CDC34: variants seen among roughly 807,000 people sequenced by gnomAD.
CDC34 encodes the protein ubiquitin-conjugating enzyme E2 R1.
CDC34 carries 18 observed loss-of-function variants against 26.8 expected under a neutral mutation model. That is an observed-to-expected ratio of 0.67 (90% confidence interval 0.47 to 1.00). CDC34 has a LOEUF of 1.00. CDC34 is among the 50% of genes least tolerant of loss of function. CDC34 has a pLI of 0.00. For missense variants in CDC34, 280 were observed against 334.5 expected (o/e 0.84, Z 1.27); for synonymous variants, 178 against 147.5 (o/e 1.21, Z -1.50).
chr19:537,707 G>C (rs1979826193), intron 4 of CDC34, among the ~76,000 whole-genome samples: 1 of 131,964 alleles, frequency 7.6e-6, no homozygotes, highest in African/African-American at 2.8e-5. Flanking sequence ...CTAGGCTGCA[G>C]TGCAGTGGTG....
chr19:541,756 C>T lies in CDC34; in HGVS notation c.*204C>T, dbSNP rs574694402. 3.3e-5 allele frequency: 16 copies of T among 490,178 alleles called. No individual in the cohort carries two copies. In the East Asian group the frequency reaches 4.3e-4, roughly 13 times the overall value. The allele number at this position is 490,178 out of a possible 1,614,324, so 30.4% of individuals were successfully genotyped here. ...CTGCCCCACCGCCACTCACGTCACT[C>T]GGGGCTCGGTGGACGGGCCCAGGGT... is the stretch of plus-strand genomic sequence containing the variant. On this transcript the variant is annotated 3_prime_UTR_variant, in exon 5 of 5. Transcript: ENST00000215574.
chr19:536,176 G>A (rs546919945), intron 2 of CDC34, 67 bp from the exon 3 acceptor site: 58 of 1,308,822 alleles, frequency 4.4e-5, no homozygotes, highest in South Asian at 7.5e-5. Context: ...CTCATCCTCC[G>A]GGACCTGGGG....
rs369824190 is a variant in CDC34 at position 536,199 on chromosome 19, G to A, written c.265-44G>A. The A allele has an allele frequency of 8.5e-5, 128 of 1,498,952 alleles. 1 individual carries two copies. The highest frequency in any genetic ancestry group is 6.4e-4 in the South Asian group (55 of 85,466). 92.9% of individuals were successfully genotyped at this position (1,498,952 alleles called of 1,614,324 possible). A position where few individuals can be genotyped will look rare whatever the true frequency, so the allele number is the denominator to read the frequency against. ...CCGGGACCTGGGGCACTGGGAGCCCGTGCTGACCTCTGACCTGTTCTGACC... is the reference window on the plus strand; with the variant it reads ...CCGGGACCTGGGGCACTGGGAGCCCATGCTGACCTCTGACCTGTTCTGACC... On this transcript the variant is annotated intron_variant, in intron 2 of 4. Coordinates refer to ENST00000215574, the MANE Select transcript of CDC34 (RefSeq NM_004359.2).
At chr19:539,772 C>T (rs1979926660) in intron 4 of CDC34, among the ~76,000 whole-genome samples, 1 of 152,204 alleles carries the variant, frequency 6.6e-6, no homozygotes, top group Admixed American at 6.5e-5. Flanking sequence ...TGCTGTGCCA[C>T]CCCCGGAAGC....
At chr19:541,126 C>G (rs1454658725) in intron 4 of CDC34, 1 of 593,028 alleles carries the variant, frequency 1.7e-6, no homozygotes, top group East Asian at 3.0e-5. Flanking sequence ...CGTCCAGCCT[C>G]CCACCCGCAC....
Position 537,167 on chromosome 19 carries a change from T to C in CDC34, c.497+20T>C. 1 of 1,611,198 alleles carries C rather than the reference T, an allele frequency of 6.2e-7. No homozygotes were observed. Among genetic ancestry groups the C allele is most frequent in the Non-Finnish European group, 8.5e-7 (1 of 1,179,434 alleles). ...CATCCGGTGAGGGCGGGCGGGGGCGTCACGGGAGGAGAGACTCAGATCCGG... is the reference window on the plus strand; with the variant it reads ...CATCCGGTGAGGGCGGGCGGGGGCGCCACGGGAGGAGAGACTCAGATCCGG... On this transcript the variant is annotated intron_variant, in intron 4 of 4. Transcript: ENST00000215574.
chr19:541,268 G>T (rs753330216), intron 4 of CDC34, 71 bp from the exon 5 acceptor site: 1 of 1,458,090 alleles, frequency 6.9e-7, no homozygotes, highest in Non-Finnish European at 9.0e-7. Context: ...CGTCGGACCT[G>T]GGGGAGGGGG....
Position 541,434 on chromosome 19 carries a change from C to G in CDC34, c.593C>G (p.Ala198Gly). The change falls in exon 5 of 5, where the codon GCG becomes GGG. Residue 198 changes from alanine to glycine, a missense_variant. Transcript: ENST00000215574. ...AEYCVKTKAPAPDEGSDLFYD... is the reference protein window; with the variant it reads ...AEYCVKTKAPGPDEGSDLFYD... ...TACTGCGTGAAGACCAAGGCGCCGG[C>G]GCCCGACGAGGGCTCAGACCTCTTC... 2 of 1,612,684 alleles carry G rather than the reference C, an allele frequency of 1.2e-6. No homozygotes were observed. The highest frequency in any genetic ancestry group is 4.5e-5 in the East Asian group (2 of 44,838).
rs1979895156 is a variant in CDC34 at position 539,094 on chromosome 19, C to T, written c.497+1947C>T. ...GACTCTGCTGTGGTCGCCGTTTCTG[C>T]CTGTTTTTTCATCTGTGTGCGTGTT... On this transcript the variant is annotated intron_variant, in intron 4 of 4. Transcript: ENST00000215574. 13 of 851,804 alleles carry T rather than the reference C, an allele frequency of 1.5e-5. No homozygotes were observed. In the South Asian group the frequency reaches 6.9e-4, roughly 45 times the overall value. 52.8% of individuals were successfully genotyped at this position (851,804 alleles called of 1,614,324 possible).
Position 541,677 on chromosome 19 carries a change from T to G in CDC34, c.*125T>G. On this transcript the variant is annotated 3_prime_UTR_variant, in exon 5 of 5. Coordinates refer to ENST00000215574, the MANE Select transcript of CDC34 (RefSeq NM_004359.2). The stretch of plus-strand genomic sequence containing the variant: ...CTCCTCTGGTTGTTTCGTTTTGGCT[T>G]TTTCTCCCTCCCCATGTCTGTTCTG... 8.8e-7 allele frequency: 1 copy of G among 1,141,886 alleles called. No individual in the cohort carries two copies. The highest frequency in any genetic ancestry group is 1.2e-6 in the Non-Finnish European group (1 of 834,304). 70.7% of individuals were successfully genotyped at this position (1,141,886 alleles called of 1,614,324 possible).
intron 4 of CDC34, chr19:538,934 G>A: frequency 1.0e-6 from 1 of 985,362 alleles, no homozygotes; most frequent in Non-Finnish European, 1.2e-6. Flanking sequence ...TGGCCCAGGT[G>A]GCTGGCTCCT....
chr19:539,105 ATC>A (rs1296316062), intron 4 of CDC34: 25 of 790,770 alleles, frequency 3.2e-5, no homozygotes, highest in Non-Finnish European at 3.7e-5. Context: ...CTGTTTTTTC[ATC>A]TGTGTGCGTG....
Position 541,218 on chromosome 19 carries a change from C to T in CDC34, c.498-121C>T, listed in dbSNP as rs551772306. The T allele has an allele frequency of 1.8e-5, 23 of 1,307,928 alleles. No homozygotes were observed. The South Asian group carries it at 1.9e-4, about 11-fold the overall frequency. The allele number at this position is 1,307,928 out of a possible 1,614,324, so 81.0% of individuals were successfully genotyped here. On this transcript the variant is annotated intron_variant, in intron 4 of 4. Coordinates refer to ENST00000215574, the MANE Select transcript of CDC34 (RefSeq NM_004359.2). ...CACAGGGCTTTGTCCTAAGTGGTCG[C>T]CACACGCCGTTTTAAGAGAAACCTG...
intron 4 of CDC34, chr19:538,889 G>A (rs1300193957): frequency 2.0e-6 from 2 of 985,382 alleles, no homozygotes; most frequent in East Asian, 2.3e-4. Flanking sequence ...CTCTGGTGCA[G>A]ATGTCCTCGG....
At chr19:536,548 C>G in intron 3 of CDC34, 1 of 588,160 alleles carries the variant, frequency 1.7e-6, no homozygotes, top group Non-Finnish European at 3.0e-6. Context: ...TGTGTCGGTG[C>G]AGACTCCCAC....
At position 531,837 on chromosome 19, in the gene CDC34, C is replaced by T. The variant is rs956669448; in HGVS notation, c.-95C>T. ...GAGGCAGGCGGCGGCCCCGGTGGCT[C>T]CCCCCCGGACGGTGCGCGGCCCGGC... On this transcript the variant is annotated 5_prime_UTR_variant, in exon 1 of 5. Coordinates refer to ENST00000215574, the MANE Select transcript of CDC34 (RefSeq NM_004359.2). 1.0e-5 allele frequency: 7 copies of T among 686,908 alleles called. No homozygotes were observed. In the Admixed American group the frequency reaches 1.6e-4, roughly 16 times the overall value. The allele number at this position is 686,908 out of a possible 1,614,324, so 42.6% of individuals were successfully genotyped here.
rs757929576 is a variant in CDC34, at chr19:535,920, C to T, written c.261C>T (p.Tyr87=). Residue 87 remains tyrosine, a synonymous_variant, in exon 2 of 5, where the codon TAC becomes TAT. Transcript: ENST00000215574. The stretch of plus-strand genomic sequence containing the variant: ...CCAAGATGTGGCACCCTAACATCTA[C>T]GAGGTGAGCGCGGCCCCCACGGGCC... ...FLTKMWHPNI[Y]ETGDVCISIL... 7.4e-6 allele frequency: 12 copies of T among 1,612,896 alleles called. No individual in the cohort carries two copies. Among genetic ancestry groups the T allele is most frequent in the Non-Finnish European group, 9.3e-6 (11 of 1,179,216 alleles).
intron 1 of CDC34, among the ~76,000 whole-genome samples, chr19:535,009 G>A (rs1045789891): frequency 6.6e-6 from 1 of 152,250 alleles, no homozygotes; most frequent in African/African-American, 2.4e-5. Flanking sequence ...CAACCTCTGT[G>A]TCTGGCACTG....
chr19:538,716 G>A (rs938989323), intron 4 of CDC34: 52 of 985,236 alleles, frequency 5.3e-5, no homozygotes, highest in Non-Finnish European at 6.1e-5. Flanking sequence ...TCCTGCACTC[G>A]CTGGTACCTG....
Sources: gnomAD v4.1 joint callset for allele counts (sites outside exome capture counted in the v4.1 genomes callset) on GRCh38, gnomAD v4.1.1 for gene constraint, MANE v1.5 for transcripts, NCBI Gene and HGNC (gene_info 2026-07-23, HGNC 2026-07-21) for gene names.